The following STAU2 variants were observed in gnomAD, a reference collection of about 807,000 sequenced individuals.
STAU2 encodes the protein double-stranded RNA-binding protein Staufen homolog 2.
STAU2 carries 20 observed loss-of-function variants against 65.9 expected under a neutral mutation model. The observed-to-expected ratio is 0.30, with a 90% confidence interval of 0.21 to 0.44. The LOEUF is 0.44. Among genes scored for constraint, STAU2 ranks in the 20% least tolerant of loss-of-function variants. The pLI is 1.00. For synonymous variants in STAU2, 232 were observed against 233.9 expected (o/e 0.99, Z 0.07); for missense variants, 558 against 683.9 (o/e 0.82, Z 2.05).
At chr8:73,601,653 G>A (rs1375157987) in intron 10 of STAU2, among the ~76,000 whole-genome samples, 1 of 152,030 alleles carries the variant, frequency 6.6e-6, no homozygotes, top group African/African-American at 2.4e-5. Context: ...CTTCCAGAAG[G>A]GGAAAAAACA....
At chr8:73,616,781 GA>G (rs1229169206) in intron 7 of STAU2, among the ~76,000 whole-genome samples, 1 of 149,792 alleles carries the variant, frequency 6.7e-6, no homozygotes, top group Non-Finnish European at 1.5e-5. Flanking sequence ...CTGGGCAACA[GA>G]GCGAGGCTCC....
chr8:73,680,170 G>A (rs1443205748), intron 5 of STAU2, among the ~76,000 whole-genome samples: 1 of 134,024 alleles, frequency 7.5e-6, no homozygotes, highest in Non-Finnish European at 1.6e-5. Flanking sequence ...TAGGGGGCCG[G>A]CGGGAATAGG....
chr8:73,619,320 T>A (rs1003744683), intron 6 of STAU2, among the ~76,000 whole-genome samples: 1 of 152,104 alleles, frequency 6.6e-6, no homozygotes, highest in Non-Finnish European at 1.5e-5. Context: ...ATTGAGCAAC[T>A]TAGCAAAATA....
At chr8:73,536,456 GGAAAAAATGGCA>G (rs1245343336) in intron 13 of STAU2, among the ~76,000 whole-genome samples, 7 of 152,092 alleles carry the variant, frequency 4.6e-5, no homozygotes, top group Non-Finnish European at 8.8e-5. Context: ...GAAACACCAT[GGAAAAAATGGCA>G]GATCCACCTC....
intron 6 of STAU2, among the ~76,000 whole-genome samples, chr8:73,647,256 T>C (rs974242838): frequency 2.0e-5 from 3 of 151,666 alleles, no homozygotes; most frequent in Non-Finnish European, 4.4e-5. Context: ...TAAACATTTA[T>C]GTCCATACAA....
intron 3 of STAU2, among the ~76,000 whole-genome samples, chr8:73,735,649 T>G (rs1586381111): frequency 6.6e-6 from 1 of 152,224 alleles, no homozygotes; most frequent in East Asian, 1.9e-4. Context: ...CCAAGCATTT[T>G]GGATAAGGAA....
chr8:73,541,891 A>G (rs1806568485), intron 13 of STAU2, among the ~76,000 whole-genome samples: 1 of 152,168 alleles, frequency 6.6e-6, no homozygotes, highest in Non-Finnish European at 1.5e-5. Context: ...AATAGAAATT[A>G]CATAATCCAA....
chr8:73,670,373 C>T (rs771691062), intron 6 of STAU2: 5 of 151,752 alleles, frequency 3.3e-5, no homozygotes, highest in Non-Finnish European at 5.9e-5. Flanking sequence ...GAAGCATTAC[C>T]TAAGGGAGAA....
At chr8:73,537,559 A>G (rs1806263783) in intron 13 of STAU2, among the ~76,000 whole-genome samples, 1 of 152,244 alleles carries the variant, frequency 6.6e-6, no homozygotes, top group South Asian at 2.1e-4. Context: ...AGGAACAGGC[A>G]TAACGTTTTC....
intron 3 of STAU2, among the ~76,000 whole-genome samples, chr8:73,720,888 T>C (rs1821608247): frequency 6.6e-6 from 1 of 151,972 alleles, no homozygotes; most frequent in Admixed American, 6.6e-5. Flanking sequence ...TTTCCAAATA[T>C]TTAGAGATTT....
At chr8:73,747,361 C>T (rs1253151651), upstream of STAU2, 1 of 1,535,250 alleles carries the variant, frequency 6.5e-7, no homozygotes, top group Non-Finnish European at 8.7e-7. Context: ...TGGTCCGCAC[C>T]CTGTGCTCTG....
chr8:73,471,522 T>A (rs1337225537), intron 13 of STAU2, among the ~76,000 whole-genome samples: 4 of 136,306 alleles, frequency 2.9e-5, no homozygotes, highest in Non-Finnish European at 1.6e-5. Context: ...CTTCTGTAAT[T>A]AAAAAAAAAA....
chr8:73,738,453 T>C, intron 2 of STAU2, 104 bp from the exon 3 acceptor site: 1 of 799,586 alleles, frequency 1.3e-6, no homozygotes, highest in South Asian at 1.9e-5. Flanking sequence ...AAAATGTAAT[T>C]TATCCAGATC....
At chr8:73,540,851 T>C (rs910615812) in intron 13 of STAU2, among the ~76,000 whole-genome samples, 17 of 152,270 alleles carry the variant, frequency 1.1e-4, no homozygotes, top group African/African-American at 3.1e-4. Context: ...GTGCTTCTTA[T>C]AGTTCTACTG....
At chr8:73,454,159 G>A (rs996481019) in intron 13 of STAU2, among the ~76,000 whole-genome samples, 2 of 152,162 alleles carry the variant, frequency 1.3e-5, no homozygotes, top group Non-Finnish European at 2.9e-5. Flanking sequence ...TGTAAAAAAG[G>A]AATTCCGTTC....
At chr8:73,709,291 A>G (rs1344874948) in intron 3 of STAU2, 129 bp from the exon 4 acceptor site, 9 of 801,600 alleles carry the variant, frequency 1.1e-5, no homozygotes, top group Non-Finnish European at 1.1e-5. Flanking sequence ...TTAAAAATTC[A>G]AATTACCTAA....
At chr8:73,601,573 GC>G (rs1811631669) in intron 10 of STAU2, among the ~76,000 whole-genome samples, 1 of 152,108 alleles carries the variant, frequency 6.6e-6, no homozygotes, top group African/African-American at 2.4e-5. Flanking sequence ...TGATAACATT[GC>G]CTAAGTAGTT....
chr8:73,632,960 C>T (rs1164226195), intron 6 of STAU2, among the ~76,000 whole-genome samples: 2 of 152,144 alleles, frequency 1.3e-5, no homozygotes, highest in South Asian at 2.1e-4. Context: ...GTAAATGATA[C>T]GCATGCTATT....
chr8:73,546,153 G>A (rs1186430509), intron 13 of STAU2, among the ~76,000 whole-genome samples: 9 of 103,318 alleles, frequency 8.7e-5, no homozygotes, highest in African/African-American at 3.2e-4. Flanking sequence ...TTTTGGTAGA[G>A]ACAGAGTTTC....
Sources: gnomAD v4.1 joint callset for allele counts (sites outside exome capture counted in the v4.1 genomes callset) on GRCh38, gnomAD v4.1.1 for gene constraint, MANE v1.5 for transcripts, NCBI Gene and HGNC (gene_info 2026-07-23, HGNC 2026-07-21) for gene names.